Variants in CFAP58 observed in about 807,000 individuals in gnomAD.
The protein encoded by CFAP58 is cilia and flagella associated protein 58.
CFAP58 carries 88 observed loss-of-function variants against 119.5 expected under a neutral mutation model. That is an observed-to-expected ratio of 0.74 (90% CI 0.62 to 0.88). The LOEUF (loss-of-function observed/expected upper bound fraction) is 0.88, where lower values mean the gene tolerates loss of function less well. Among genes scored for constraint, CFAP58 ranks in the 40% least tolerant of loss-of-function variants. The probability of loss-of-function intolerance (pLI) is 0.00; values close to 1 mark genes in which losing one functional copy is unlikely to be tolerated. For missense variants in CFAP58, 990 were observed against 1,021.2 expected (o/e 0.97, Z 0.42); for synonymous variants, 365 against 366.3 (o/e 1.00, Z 0.04).
At chr10:104,443,145 A>G (rs2013065861) in intron 15 of CFAP58, among the ~76,000 whole-genome samples, 1 of 152,192 alleles carries the variant, frequency 6.6e-6, no homozygotes, top group Admixed American at 6.5e-5. Flanking sequence ...GAGAGAAATA[A>G]TGGGTTTATA....
intron 9 of CFAP58, among the ~76,000 whole-genome samples, chr10:104,380,479 C>A (rs957328595): frequency 1.3e-5 from 2 of 152,226 alleles, no homozygotes; most frequent in South Asian, 4.2e-4. Context: ...TGGGTTCTCC[C>A]TCTTCTCTGT....
At chr10:104,437,425 A>G (rs865785118) in intron 15 of CFAP58, among the ~76,000 whole-genome samples, 2 of 152,232 alleles carry the variant, frequency 1.3e-5, no homozygotes, top group Non-Finnish European at 2.9e-5. Flanking sequence ...CCAGCATCAT[A>G]TGACTAACCC....
Position 104,392,649 on chromosome 10 carries a change from T to C in CFAP58, c.1527+255T>C, listed in dbSNP as rs918120225. On this transcript the variant is annotated intron_variant, in intron 10 of 17. Coordinates refer to ENST00000369704, the MANE Select transcript of CFAP58 (RefSeq NM_001008723.2). ...ATTCTCGTCTTTCTACTTTTTTTTT[T>C]TTTTTTTTTGAGATGGAGTCTCACT... Among the ~76,000 whole-genome samples, 1,335 of 150,116 alleles carry C rather than the reference T, an allele frequency of 8.9e-3. 8 individuals are homozygous for C. The highest frequency in any genetic ancestry group is 0.014 in the Non-Finnish European group (919 of 67,322).
At chr10:104,417,143 C>A (rs2012567236) in intron 15 of CFAP58, among the ~76,000 whole-genome samples, 1 of 152,264 alleles carries the variant, frequency 6.6e-6, no homozygotes, top group Non-Finnish European at 1.5e-5. Context: ...AAGTTGGTTT[C>A]TTTCGTGGTA....
chr10:104,415,122 T>A (rs1439170094), intron 15 of CFAP58, among the ~76,000 whole-genome samples: 1 of 152,124 alleles, frequency 6.6e-6, no homozygotes, highest in East Asian at 1.9e-4. Context: ...TGTGATACTG[T>A]ACAGGATGCT....
At chr10:104,394,414 C>T (rs576771863) in intron 11 of CFAP58, among the ~76,000 whole-genome samples, 1 of 152,284 alleles carries the variant, frequency 6.6e-6, no homozygotes, top group South Asian at 2.1e-4. Context: ...TTGCTTTCTG[C>T]ACATATTAGC....
chr10:104,412,209 T>A (rs1294754128), intron 15 of CFAP58, among the ~76,000 whole-genome samples: 4 of 152,188 alleles, frequency 2.6e-5, no homozygotes, highest in Admixed American at 2.6e-4. Flanking sequence ...TTTGCTTGAC[T>A]CACTAGTTTC....
At chr10:104,419,241 T>G (rs528910809) in intron 15 of CFAP58, among the ~76,000 whole-genome samples, 23 of 152,248 alleles carry the variant, frequency 1.5e-4, no homozygotes, top group African/African-American at 5.5e-4. Context: ...TGTAGCTGTC[T>G]GCGGGGCACC....
At chr10:104,352,142 G>A (rs1307756014), upstream of CFAP58, among the ~76,000 whole-genome samples, 2 of 152,126 alleles carry the variant, frequency 1.3e-5, no homozygotes, top group African/African-American at 4.8e-5. Flanking sequence ...CTAATTAGAT[G>A]AGTCAATATT....
chr10:104,419,097 G>C (rs966036480), intron 15 of CFAP58, among the ~76,000 whole-genome samples: 1 of 152,198 alleles, frequency 6.6e-6, no homozygotes, highest in African/African-American at 2.4e-5. Flanking sequence ...TTTCTTGGCT[G>C]CCACTTCTTT....
chr10:104,423,791 A>G (rs2012698889), intron 15 of CFAP58, among the ~76,000 whole-genome samples: 1 of 152,228 alleles, frequency 6.6e-6, no homozygotes, highest in South Asian at 2.1e-4. Flanking sequence ...TTATTTGTGA[A>G]ATTAGAAGAA....
rs557048414 is a variant in CFAP58, at chr10:104,400,809, T to C, written c.1945T>C (p.Leu649=). 18 of 1,614,004 alleles carry C rather than the reference T, an allele frequency of 1.1e-5. No homozygotes were observed. Among genetic ancestry groups the C allele is most frequent in the Admixed American group, 1.7e-5 (1 of 59,998 alleles). ...NKGESQYNQR[L]EDMRILRLEI... is the part of the protein sequence containing the mutation. ...AGGGGAGAGCCAGTACAACCAGAGG[T>C]TGGAGGACATGAGAATCCTCAGACT... The change falls in exon 13 of 18, where the codon TTG becomes CTG. Residue 649 remains leucine (L), a synonymous_variant. Transcript: ENST00000369704.
Position 104,393,427 on chromosome 10 carries a change from G to A in CFAP58, c.1626G>A (p.Lys542=), listed in dbSNP as rs1186993904. 3 of 1,613,946 alleles carry A rather than the reference G, an allele frequency of 1.9e-6. No homozygotes were observed. Among genetic ancestry groups the A allele is most frequent in the East Asian group, 2.2e-5 (1 of 44,888 alleles). ...CTGCCAAAGAGTCCGCACTTGTGAAGCTGCACCTGGAACAGCAGCGAATAG... is the reference window on the plus strand; with the variant it reads ...CTGCCAAAGAGTCCGCACTTGTGAAACTGCACCTGGAACAGCAGCGAATAG... ...DISAKESALV[K]LHLEQQRIEK... is the part of the protein sequence containing the mutation. The change falls in exon 11 of 18, where the codon AAG becomes AAA. Residue 542 remains lysine, a synonymous_variant. Transcript: ENST00000369704.
At chr10:104,443,320 G>A (rs1256219325) in intron 15 of CFAP58, among the ~76,000 whole-genome samples, 1 of 152,186 alleles carries the variant, frequency 6.6e-6, no homozygotes, top group Non-Finnish European at 1.5e-5. Flanking sequence ...AGGCAAGATG[G>A]AATCTCTTTC....
chr10:104,442,457 A>C (rs1406322169), intron 15 of CFAP58, among the ~76,000 whole-genome samples: 2 of 152,000 alleles, frequency 1.3e-5, no homozygotes, highest in Non-Finnish European at 2.9e-5. Context: ...GCGTGGTGGC[A>C]TGCCTCTGTA....
chr10:104,353,130 A>G (rs1171758272), upstream of CFAP58: 1 of 152,204 alleles, frequency 6.6e-6, no homozygotes, highest in Non-Finnish European at 1.5e-5. Flanking sequence ...GAAGTCCAGA[A>G]AGAGTGGAGG....
intron 15 of CFAP58, among the ~76,000 whole-genome samples, chr10:104,422,569 G>T (rs973211930): frequency 2.6e-5 from 4 of 152,180 alleles, no homozygotes; most frequent in Non-Finnish European, 5.9e-5. Context: ...TCAACCAGCT[G>T]GTGGATTGGC....
At chr10:104,394,354 T>C (rs916312740) in intron 11 of CFAP58, among the ~76,000 whole-genome samples, 4 of 152,232 alleles carry the variant, frequency 2.6e-5, no homozygotes, top group Non-Finnish European at 5.9e-5. Flanking sequence ...TCATGGGTGC[T>C]TAAGAGCCAC....
intron 9 of CFAP58, among the ~76,000 whole-genome samples, chr10:104,383,348 A>C (rs1349696445): frequency 6.6e-6 from 1 of 152,100 alleles, no homozygotes; most frequent in Non-Finnish European, 1.5e-5. Context: ...CAAGGACTTT[A>C]TTTCATTCAT....
Sources: allele counts gnomAD v4.1 joint callset (sites outside exome capture counted in the v4.1 genomes callset), GRCh38; gene constraint gnomAD v4.1.1; transcripts MANE v1.5; gene names NCBI Gene and HGNC (gene_info 2026-07-23, HGNC 2026-07-21).